MAML2: variants seen among roughly 807,000 people sequenced by gnomAD.
MAML2 encodes the protein mastermind-like protein 2.
A neutral mutation model predicts 96.1 loss-of-function variants in MAML2; 22 were observed. The observed-to-expected ratio is 0.23, with a 90% CI of 0.16 to 0.33. The LOEUF (loss-of-function observed/expected upper bound fraction) is 0.33. MAML2 is among the 10% of genes least tolerant of loss of function. The pLI is 1.00. For synonymous variants in MAML2, 561 were observed against 521.3 expected, an observed-to-expected ratio of 1.08 and a Z score of -1.04; for missense variants, 1,367 against 1,392.4, an observed-to-expected ratio of 0.98 and a Z score of 0.29.
At chr11:96,336,166 T>TG (rs72313748) in intron 1 of MAML2, among the ~76,000 whole-genome samples, 26,379 of 152,180 alleles carry the variant, frequency 0.17, 3,969 homozygotes, top group African/African-American at 0.41. Context: ...GACCTGAACA[T>TG]GGTCTAACTA....
intron 1 of MAML2, among the ~76,000 whole-genome samples, chr11:96,140,729 G>A (rs1802066669): frequency 6.6e-6 from 1 of 152,160 alleles, no homozygotes; most frequent in African/African-American, 2.4e-5. Context: ...TACCTCCAGA[G>A]TCTAGAACTT....
rs1857675080 is a variant in MAML2 at position 95,978,068 on chromosome 11, T to C, written c.*880A>G. On this transcript the variant is annotated 3_prime_UTR_variant, in exon 5 of 5. Coordinates refer to ENST00000524717, the MANE Select transcript of MAML2 (RefSeq NM_032427.4). ...CAGCTTGGGAACAAACCAGCAGGCA[T>C]CAATCATAATAAGCAACATCCCAGG... The C allele has an allele frequency of 4.6e-6, 1 of 218,220 alleles. No homozygotes were observed. The highest frequency in any genetic ancestry group is 9.2e-6 in the Non-Finnish European group (1 of 108,692). The allele number at this position is 218,220 out of a possible 1,614,324, so 13.5% of individuals were successfully genotyped here. A position where few individuals can be genotyped will look rare whatever the true frequency, so the allele number is the denominator to read the frequency against.
intron 2 of MAML2, among the ~76,000 whole-genome samples, chr11:96,087,510 C>T (rs1430780738): frequency 2.0e-5 from 3 of 152,212 alleles, no homozygotes; most frequent in African/African-American, 7.2e-5. Flanking sequence ...ATAAAGAAAT[C>T]ATCAAATGGT....
chr11:96,172,262 C>T (rs760633249), intron 1 of MAML2, among the ~76,000 whole-genome samples: 27 of 152,178 alleles, frequency 1.8e-4, no homozygotes, highest in Non-Finnish European at 3.5e-4. Flanking sequence ...TCTAATTAAC[C>T]CTCAACAAGG....
chr11:96,335,893 A>G (rs114019415), intron 1 of MAML2, among the ~76,000 whole-genome samples: 1,859 of 151,798 alleles, frequency 0.012, 38 homozygotes, highest in African/African-American at 0.042. Flanking sequence ...AGCGACCCCA[A>G]TCCCACATTT....
intron 2 of MAML2, among the ~76,000 whole-genome samples, chr11:96,089,395 A>G (rs1281942485): frequency 2.6e-5 from 4 of 152,180 alleles, no homozygotes; most frequent in Admixed American, 6.5e-5. Flanking sequence ...CTCACACACC[A>G]CACTTGCAAT....
chr11:96,313,315 T>G lies in MAML2; in HGVS notation c.513+28068A>C, dbSNP rs183170076. On this transcript the variant is annotated intron_variant, in intron 1 of 4. Coordinates refer to ENST00000524717, the MANE Select transcript of MAML2 (RefSeq NM_032427.4). ...AGCAGCTGTTAGAAATGCAAATCCT[T>G]CATCCCCATCTCAGAACTGGGGTGG... Among the ~76,000 whole-genome samples the G allele has an allele frequency of 2.0e-5, 3 of 152,262 alleles. No individual in the cohort carries two copies. The East Asian group carries it at 5.8e-4, about 29-fold the overall frequency.
chr11:96,012,421 A>G (rs1022429244), intron 2 of MAML2, among the ~76,000 whole-genome samples: 5 of 152,190 alleles, frequency 3.3e-5, no homozygotes, highest in Admixed American at 3.3e-4. Flanking sequence ...CCTCCTACAG[A>G]GGCAGTCTGG....
rs954242839 is a variant in MAML2 at position 95,977,901 on chromosome 11, C to T, written c.*1047G>A. The T allele has an allele frequency of 5.8e-5, 13 of 224,884 alleles. No individual in the cohort carries two copies. Among genetic ancestry groups the T allele is most frequent in the Non-Finnish European group, 9.7e-5 (11 of 112,850 alleles). 13.9% of individuals were successfully genotyped at this position (224,884 alleles called of 1,614,324 possible). A position where few individuals can be genotyped will look rare whatever the true frequency, so the allele number is the denominator to read the frequency against. On this transcript the variant is annotated 3_prime_UTR_variant, in exon 5 of 5. Transcript: ENST00000524717. ...AAACTCCGTGAAATACATTTGTACA[C>T]ACTGGTACTTGCCATCCCTGGTTCT... is the stretch of plus-strand genomic sequence containing the variant.
chr11:96,189,956 G>A (rs1320011807), intron 1 of MAML2, among the ~76,000 whole-genome samples: 1 of 152,104 alleles, frequency 6.6e-6, no homozygotes, highest in Non-Finnish European at 1.5e-5. Context: ...GAAGTTAAAA[G>A]TAGGTGTCAC....
intron 1 of MAML2, among the ~76,000 whole-genome samples, chr11:96,162,500 G>A (rs1861124796): frequency 6.6e-6 from 1 of 151,702 alleles, no homozygotes; most frequent in East Asian, 1.9e-4. Flanking sequence ...GATCACCTGA[G>A]GTTGGGAGTT....
At chr11:96,230,993 T>A (rs570811368) in intron 1 of MAML2, among the ~76,000 whole-genome samples, 5 of 152,348 alleles carry the variant, frequency 3.3e-5, no homozygotes, top group African/African-American at 1.2e-4. Flanking sequence ...GAAAGATATG[T>A]CTTGTGACAT....
At chr11:96,102,140 G>A (rs904008662) in intron 1 of MAML2, among the ~76,000 whole-genome samples, 1 of 152,166 alleles carries the variant, frequency 6.6e-6, no homozygotes, top group African/African-American at 2.4e-5. Flanking sequence ...GCCGGGCGTG[G>A]TGGCGGGTGC....
chr11:96,115,206 C>G lies in MAML2; in HGVS notation c.514-21689G>C, dbSNP rs145531358. ...AAGAGATGGGGTCTTGCTCTGTGCC[C>G]GGGCTGGAGTACAGTAGCTTGATCA... On this transcript the variant is annotated intron_variant, in intron 1 of 4. Coordinates refer to ENST00000524717, the MANE Select transcript of MAML2 (RefSeq NM_032427.4). Among the ~76,000 whole-genome samples, 88 of 151,574 alleles carry G rather than the reference C, an allele frequency of 5.8e-4. 2 individuals carry two copies. The highest frequency in any genetic ancestry group is 2.1e-3 in the African/African-American group (85 of 41,316).
chr11:96,193,057 C>T (rs1861677757), intron 1 of MAML2, among the ~76,000 whole-genome samples: 1 of 152,164 alleles, frequency 6.6e-6, no homozygotes, highest in Non-Finnish European at 1.5e-5. Context: ...TGGCTCTTGC[C>T]ATCTTCCACT....
intron 2 of MAML2, among the ~76,000 whole-genome samples, chr11:96,013,495 G>A (rs1166381331): frequency 6.6e-6 from 1 of 152,184 alleles, no homozygotes; most frequent in Non-Finnish European, 1.5e-5. Context: ...CAGGTCCCTG[G>A]CAAGGGCTCC....
intron 1 of MAML2, among the ~76,000 whole-genome samples, chr11:96,238,604 G>T (rs771910168): frequency 9.2e-5 from 14 of 152,180 alleles, no homozygotes; most frequent in Non-Finnish European, 1.9e-4. Flanking sequence ...TGATCCCATT[G>T]TAGCTATTAT....
At chr11:95,993,880 G>A (rs1486111262) in intron 2 of MAML2, among the ~76,000 whole-genome samples, 2 of 152,112 alleles carry the variant, frequency 1.3e-5, no homozygotes, top group African/African-American at 2.4e-5. Context: ...CGTGCTTTAC[G>A]TGATTTATCT....
intron 1 of MAML2, among the ~76,000 whole-genome samples, chr11:96,099,813 A>AT (rs1199320764): frequency 2.6e-5 from 4 of 151,754 alleles, no homozygotes; most frequent in Admixed American, 2.6e-4. Context: ...ATTTTTATAC[A>AT]TTTTTTAGTA....
Sources: gnomAD v4.1 joint callset for allele counts (sites outside exome capture counted in the v4.1 genomes callset) on GRCh38, gnomAD v4.1.1 for gene constraint, MANE v1.5 for transcripts, NCBI Gene and HGNC (gene_info 2026-07-23, HGNC 2026-07-21) for gene names.